PGAP4: variants seen among roughly 807,000 people sequenced by gnomAD.
The protein encoded by PGAP4 is post-GPI attachment to proteins GalNAc transferase 4, also known as GPI-N-acetylgalactosamine transferase PGAP4.
In PGAP4, 12 loss-of-function variants were observed where a neutral mutation model predicts 28.2. The observed-to-expected ratio is 0.42, with a 90% CI of 0.27 to 0.69. PGAP4 has a LOEUF of 0.69. Ranked by LOEUF, PGAP4 falls within the 30% of genes least tolerant of loss-of-function variation. PGAP4 has a pLI of 0.22. For missense variants in PGAP4, 425 were observed against 513.5 expected (o/e 0.83, Z 1.67); for synonymous variants, 205 against 211.8 (o/e 0.97, Z 0.28).
intron 2 of PGAP4, among the ~76,000 whole-genome samples, chr9:101,504,502 G>A (rs1183666297): frequency 6.6e-6 from 1 of 151,926 alleles, no homozygotes; most frequent in Non-Finnish European, 1.5e-5. Flanking sequence ...TCCTCATAGA[G>A]CCTGGAAGTC....
chr9:101,504,209 G>GGTTTTTTTTTTTT, intron 2 of PGAP4, among the ~76,000 whole-genome samples: 1 of 22,692 alleles, frequency 4.4e-5, no homozygotes. Context: ...GTGTGTGTTT[G>GGTTTTTTTTTTTT]TTTTTTTTTT....
chr9:101,514,408 G>T (rs1826925330), intron 2 of PGAP4, among the ~76,000 whole-genome samples: 1 of 152,020 alleles, frequency 6.6e-6, no homozygotes, highest in African/African-American at 2.4e-5. Context: ...TTCTCACTGT[G>T]GAAAAATAAC....
Position 101,475,780 on chromosome 9 carries a change from A to T in PGAP4, c.*101T>A. On this transcript the variant is annotated 3_prime_UTR_variant, in exon 2 of 2. Coordinates refer to ENST00000374848, the MANE Select transcript of PGAP4 (RefSeq NM_032342.3). ...CCCCAGTGCCTATATCTCTAACAAC[A>T]GTAAACAGTGAAATACCTGCAGGCA... 7.7e-7 allele frequency: 1 copy of T among 1,297,062 alleles called. No individual in the cohort carries two copies. The highest frequency in any genetic ancestry group is 1.1e-6 in the Non-Finnish European group (1 of 926,608). The allele number at this position is 1,297,062 out of a possible 1,614,324, so 80.3% of individuals were successfully genotyped here.
intron 2 of PGAP4, among the ~76,000 whole-genome samples, chr9:101,505,263 A>G (rs528463769): frequency 1.4e-3 from 217 of 152,196 alleles, no homozygotes; most frequent in African/African-American, 4.6e-3. Context: ...CCATATGTGG[A>G]ACATTCCAAA....
rs1250579012 is a variant in PGAP4 at position 101,473,580 on chromosome 9, T to G, written c.*2301A>C. ...ACTCCATGGGGAAAAGGCATGTTAG[T>G]GTGTAGGTAGAGAAACTGGACAAGG... On this transcript the variant is annotated 3_prime_UTR_variant, in exon 2 of 2. Coordinates refer to ENST00000374848, the MANE Select transcript of PGAP4 (RefSeq NM_032342.3). The G allele has an allele frequency of 2.0e-5, 3 of 152,234 alleles. No homozygotes were observed. The highest frequency in any genetic ancestry group is 4.4e-5 in the Non-Finnish European group (3 of 68,050). 9.4% of individuals were successfully genotyped at this position (152,234 alleles called of 1,614,324 possible). A position where few individuals can be genotyped will look rare whatever the true frequency, so the allele number is the denominator to read the frequency against.
chr9:101,520,239 T>C (rs1018983938), intron 2 of PGAP4, among the ~76,000 whole-genome samples: 1 of 152,192 alleles, frequency 6.6e-6, no homozygotes, highest in Non-Finnish European at 1.5e-5. Context: ...GTTTTTCTAA[T>C]TCTGTGAAGA....
Position 101,476,336 on chromosome 9 carries a change from G to C in PGAP4, c.757C>G (p.His253Asp). The C allele has an allele frequency of 6.2e-7, 1 of 1,614,134 alleles. No individual in the cohort carries two copies. Among genetic ancestry groups the C allele is most frequent in the Non-Finnish European group, 8.5e-7 (1 of 1,180,040 alleles). ...CGCATGGGCTCTGGATTGATGTAGTGCTGGAGCCTCTCGGGGTGATACAGC... is the reference window on the plus strand; with the variant it reads ...CGCATGGGCTCTGGATTGATGTAGTCCTGGAGCCTCTCGGGGTGATACAGC... ...LKLYHPERLQ[H>D]YINPEPMRIL... The change falls in exon 2 of 2, where the codon CAC becomes GAC. Residue 253 changes from histidine to aspartate, a missense_variant. Coordinates refer to ENST00000374848, the MANE Select transcript of PGAP4 (RefSeq NM_032342.3). The surrounding 1 kb of genome is among the most constrained non-coding windows in gnomAD (Gnocchi z 7.0).
chr9:101,504,209 GTTTTTTTTTTTT>G (rs3081858), intron 2 of PGAP4, among the ~76,000 whole-genome samples: 18 of 22,714 alleles, frequency 7.9e-4, no homozygotes, highest in Admixed American at 1.3e-3. Context: ...GTGTGTGTTT[GTTTTTTTTTTTT>G]TTTTTTTTTT....
In PGAP4 at chr9:101,473,518, A is replaced by G. The variant is rs776793096; in HGVS notation, c.*2363T>C. The G allele has an allele frequency of 1.3e-5, 2 of 152,300 alleles. No homozygotes were observed. The highest frequency in any genetic ancestry group is 2.4e-5 in the African/African-American group (1 of 41,480). 9.4% of individuals were successfully genotyped at this position (152,300 alleles called of 1,614,324 possible). The stretch of plus-strand genomic sequence containing the variant: ...AACAAAAGAGCAGAACTGAGCCTGC[A>G]TCTGCAGAAAATGTCCAAAGACAAC... On this transcript the variant is annotated 3_prime_UTR_variant, in exon 2 of 2. Transcript: ENST00000374848.
At chr9:101,511,038 G>A (rs1320620471) in intron 2 of PGAP4, among the ~76,000 whole-genome samples, 5 of 152,106 alleles carry the variant, frequency 3.3e-5, no homozygotes, top group African/African-American at 9.7e-5. Flanking sequence ...GCTCCCTAGC[G>A]CTAGCATCAC....
chr9:101,507,343 A>T (rs79011563), intron 2 of PGAP4, among the ~76,000 whole-genome samples: 3,251 of 152,228 alleles, frequency 0.021, 115 homozygotes, highest in African/African-American at 0.074. Flanking sequence ...GATACTGTTC[A>T]CTATTTGGGA....
chr9:101,497,609 G>A (rs1028201833), intron 2 of PGAP4, among the ~76,000 whole-genome samples: 4 of 151,504 alleles, frequency 2.6e-5, no homozygotes, highest in African/African-American at 9.7e-5. Flanking sequence ...ATATAAAGTT[G>A]TCTGACCAGT....
upstream of PGAP4, among the ~76,000 whole-genome samples, chr9:101,489,817 T>G (rs1248378873): frequency 6.6e-6 from 1 of 152,192 alleles, no homozygotes; most frequent in Non-Finnish European, 1.5e-5. Context: ...TCTGAACATC[T>G]TCTCTTGTAC....
intron 2 of PGAP4, among the ~76,000 whole-genome samples, chr9:101,502,699 G>A (rs1826814373): frequency 6.6e-6 from 1 of 152,022 alleles, no homozygotes; most frequent in Non-Finnish European, 1.5e-5. Context: ...GATGTCCCTT[G>A]CTCTGGTCTC....
intron 2 of PGAP4, among the ~76,000 whole-genome samples, chr9:101,523,105 T>C (rs1327069163): frequency 6.6e-6 from 1 of 152,216 alleles, no homozygotes; most frequent in Non-Finnish European, 1.5e-5. Context: ...GCTGTTAATC[T>C]GATAGGTTGT....
chr9:101,512,264 C>T (rs1238799973), intron 2 of PGAP4, among the ~76,000 whole-genome samples: 2 of 152,074 alleles, frequency 1.3e-5, no homozygotes, highest in Admixed American at 6.6e-5. Flanking sequence ...ATCCTCACCC[C>T]GCCCTGCCCG....
intron 2 of PGAP4, among the ~76,000 whole-genome samples, chr9:101,496,915 A>G (rs1236113396): frequency 2.0e-5 from 3 of 150,580 alleles, no homozygotes; most frequent in Admixed American, 6.6e-5. Flanking sequence ...TATTTTTTCA[A>G]TAAAGAATGT....
intron 2 of PGAP4, among the ~76,000 whole-genome samples, chr9:101,492,603 T>G (rs1419867098): frequency 6.6e-6 from 1 of 151,866 alleles, no homozygotes; most frequent in Non-Finnish European, 1.5e-5. Context: ...GATTGTTGGG[T>G]TTTTTTTCTA....
At chr9:101,527,927 G>A (rs979553326) in intron 2 of PGAP4, among the ~76,000 whole-genome samples, 2 of 152,120 alleles carry the variant, frequency 1.3e-5, no homozygotes, top group African/African-American at 4.8e-5. Flanking sequence ...TGGGAAAGAC[G>A]CTCAATCTCT....
Sources: allele counts gnomAD v4.1 joint callset (sites outside exome capture counted in the v4.1 genomes callset), GRCh38; gene constraint gnomAD v4.1.1; non-coding constraint Gnocchi (gnomAD v3.1); transcripts MANE v1.5; gene names NCBI Gene and HGNC (gene_info 2026-07-23, HGNC 2026-07-21).